INPP4B: variants seen among roughly 807,000 people sequenced by gnomAD.
The protein encoded by INPP4B is inositol polyphosphate 4-phosphatase type II.
INPP4B carries 55 observed loss-of-function variants against 122.5 expected under a neutral mutation model. The ratio of observed to expected loss-of-function variants is 0.45; its 90% CI spans 0.36 to 0.56. The LOEUF is 0.56. Ranked by LOEUF, INPP4B falls within the 20% of genes least tolerant of loss-of-function variation. The pLI is 0.00. For missense variants in INPP4B, 1,000 were observed against 1,097.7 expected, an observed-to-expected ratio of 0.91 and a Z score of 1.26; for synonymous variants, 403 against 388.7, an observed-to-expected ratio of 1.04 and a Z score of -0.43.
Position 142,365,030 on chromosome 4 carries a change from CA to C in INPP4B, c.372+37907del, listed in dbSNP as rs1212155030. On this transcript the variant is annotated intron_variant, in intron 7 of 25. Coordinates refer to ENST00000262992, the MANE Select transcript of INPP4B (RefSeq NM_001101669.3). The stretch of plus-strand genomic sequence containing the variant: ...GTGAGGTAAGAATAGGAGGAGTAGA[CA>C]AAAAGTCATACAACTTCCCCATGGA... Among the ~76,000 whole-genome samples, 5 of 152,034 alleles carry C rather than the reference CA, an allele frequency of 3.3e-5. No homozygotes were observed. In the South Asian group the frequency reaches 6.2e-4, roughly 19 times the overall value.
At chr4:142,113,781 T>C (rs957697019) in intron 21 of INPP4B, among the ~76,000 whole-genome samples, 1 of 152,072 alleles carries the variant, frequency 6.6e-6, no homozygotes, top group East Asian at 1.9e-4. Flanking sequence ...AGGTGAAACA[T>C]ATAATTTCTT....
intron 23 of INPP4B, among the ~76,000 whole-genome samples, chr4:142,097,822 C>T (rs1485351942): frequency 6.6e-6 from 1 of 152,124 alleles, no homozygotes; most frequent in Non-Finnish European, 1.5e-5. Flanking sequence ...TTTCCAAGAT[C>T]CAACAGCTTT....
At chr4:142,047,397 T>A (rs1223939356) in intron 25 of INPP4B, among the ~76,000 whole-genome samples, 1 of 152,040 alleles carries the variant, frequency 6.6e-6, no homozygotes, top group Non-Finnish European at 1.5e-5. Context: ...AAAAAGGGTA[T>A]TTTTTCCCTG....
chr4:142,585,281 T>C (rs1403717693), intron 2 of INPP4B, among the ~76,000 whole-genome samples: 3 of 152,192 alleles, frequency 2.0e-5, no homozygotes, highest in Non-Finnish European at 4.4e-5. Context: ...TTTTAGTTAT[T>C]TAATACTGCC....
At chr4:142,170,537 T>A (rs1825109868) in intron 16 of INPP4B, among the ~76,000 whole-genome samples, 1 of 151,670 alleles carries the variant, frequency 6.6e-6, no homozygotes, top group Non-Finnish European at 1.5e-5. Context: ...AATTTAATAT[T>A]TCTCTGCCTC....
chr4:142,767,123 C>A (rs1205365413), intron 1 of INPP4B, among the ~76,000 whole-genome samples: 1 of 152,134 alleles, frequency 6.6e-6, no homozygotes, highest in Non-Finnish European at 1.5e-5. Context: ...ATTCAAAGCC[C>A]TCCAATGTGA....
At chr4:142,739,877 C>G (rs1277272256) in intron 1 of INPP4B, among the ~76,000 whole-genome samples, 4 of 151,960 alleles carry the variant, frequency 2.6e-5, no homozygotes, top group African/African-American at 9.7e-5. Context: ...ATTTCTTTCA[C>G]ATATATATTA....
At chr4:142,703,339 C>T (rs566661777) in intron 2 of INPP4B, among the ~76,000 whole-genome samples, 25 of 152,160 alleles carry the variant, frequency 1.6e-4, no homozygotes, top group Admixed American at 2.6e-4. Context: ...AAATACCTTA[C>T]AATAATGATA....
chr4:142,406,958 T>C (rs1803529651), intron 5 of INPP4B, among the ~76,000 whole-genome samples: 1 of 152,180 alleles, frequency 6.6e-6, no homozygotes, highest in Admixed American at 6.5e-5. Context: ...CATGCCGACC[T>C]GCCCTCCTGC....
rs529342955 is a variant in INPP4B at position 142,618,478 on chromosome 4, G to A, written c.-191+107361C>T. On this transcript the variant is annotated intron_variant, in intron 2 of 25. Coordinates refer to ENST00000262992, the MANE Select transcript of INPP4B (RefSeq NM_001101669.3). ...ATAAAGGTGTCAAGGATATGCCAAA[G>A]GGAAGGCAAATTGTCTCTTCAACAA... is the stretch of plus-strand genomic sequence containing the variant. 2.0e-5 allele frequency among the ~76,000 whole-genome samples: 3 copies of A among 152,102 alleles called. No homozygotes were observed. The East Asian group carries it at 5.8e-4, about 30-fold the overall frequency.
intron 2 of INPP4B, among the ~76,000 whole-genome samples, chr4:142,528,551 T>C (rs1231367983): frequency 6.6e-6 from 1 of 152,096 alleles, no homozygotes; most frequent in Non-Finnish European, 1.5e-5. Context: ...CACAGTCTTT[T>C]ATAGTCTAAT....
chr4:142,042,929 G>C (rs1749041232), intron 25 of INPP4B, among the ~76,000 whole-genome samples: 1 of 152,024 alleles, frequency 6.6e-6, no homozygotes. Flanking sequence ...CTTTTTTGCT[G>C]CATCTGAAAT....
At chr4:142,122,277 C>T (rs1222648300) in intron 20 of INPP4B, 32 bp from the exon 21 acceptor site, 1 of 1,493,382 alleles carries the variant, frequency 6.7e-7, no homozygotes, top group African/African-American at 1.4e-5. Context: ...TAGCTACAAA[C>T]AAACATTTGA....
chr4:142,660,500 CTG>C (rs1274811494), intron 2 of INPP4B, among the ~76,000 whole-genome samples: 1 of 152,008 alleles, frequency 6.6e-6, no homozygotes, highest in Non-Finnish European at 1.5e-5. Flanking sequence ...AATTGTGTCT[CTG>C]TACTATGGGA....
At chr4:142,366,605 G>A (rs1787582481) in intron 7 of INPP4B, among the ~76,000 whole-genome samples, 1 of 152,076 alleles carries the variant, frequency 6.6e-6, no homozygotes, top group Non-Finnish European at 1.5e-5. Flanking sequence ...CATCATGCAT[G>A]GTGCCTGATG....
chr4:142,778,902 ATG>A (rs1289322465), intron 1 of INPP4B, among the ~76,000 whole-genome samples: 1 of 152,102 alleles, frequency 6.6e-6, no homozygotes, highest in African/African-American at 2.4e-5. Context: ...ATAATTTAGG[ATG>A]TGAGATTGGT....
intron 2 of INPP4B, among the ~76,000 whole-genome samples, chr4:142,723,861 G>A (rs557240411): frequency 5.3e-4 from 80 of 152,070 alleles, no homozygotes; most frequent in African/African-American, 1.8e-3. Context: ...GGAATTTTAC[G>A]AGATTGCAAA....
intron 12 of INPP4B, among the ~76,000 whole-genome samples, chr4:142,217,524 T>TTCGG (rs1241806474): frequency 3.9e-5 from 6 of 152,302 alleles, no homozygotes; most frequent in Admixed American, 3.9e-4. Context: ...TGAGACATGG[T>TTCGG]TCGGTCTTCT....
intron 5 of INPP4B, among the ~76,000 whole-genome samples, chr4:142,415,717 G>A (rs1222270793): frequency 2.0e-5 from 3 of 152,032 alleles, no homozygotes; most frequent in Admixed American, 6.6e-5. Flanking sequence ...TGTTTATTAC[G>A]GCACTATTCA....
Sources: gnomAD v4.1 joint callset for allele counts (sites outside exome capture counted in the v4.1 genomes callset) on GRCh38, gnomAD v4.1.1 for gene constraint, MANE v1.5 for transcripts, NCBI Gene and HGNC (gene_info 2026-07-23, HGNC 2026-07-21) for gene names.